RNF216: variants seen among roughly 807,000 people sequenced by gnomAD.
RNF216 encodes the protein E3 ubiquitin-protein ligase RNF216.
Under a neutral mutation model 110.8 loss-of-function variants are expected in RNF216, and 72 were observed. The observed-to-expected ratio is 0.65, with a 90% CI of 0.54 to 0.79. The LOEUF is 0.79. RNF216 is among the 30% of genes least tolerant of loss of function. The pLI is 0.00. For missense variants in RNF216, 1,342 were observed against 1,141.2 expected, an observed-to-expected ratio of 1.18 and a Z score of -2.54; for synonymous variants, 495 against 407.5, an observed-to-expected ratio of 1.21 and a Z score of -2.59.
chr7:5,769,052 CAA>C (rs1489880092), intron 1 of RNF216, among the ~76,000 whole-genome samples: 1 of 150,038 alleles, frequency 6.7e-6, no homozygotes, highest in Admixed American at 6.6e-5. Flanking sequence ...ATAATGAAAA[CAA>C]AATATATCAA....
At chr7:5,740,104 CTTTTTTTTTTTTTTTTTTTTTTTTT>C (rs71004698) in intron 4 of RNF216, among the ~76,000 whole-genome samples, 192 of 118,474 alleles carry the variant, frequency 1.6e-3, no homozygotes, top group Middle Eastern at 4.4e-3. Flanking sequence ...GATGTAACAC[CTTTTTTTTTTTTTTTTTTTTTTTTT>C]TTTTTTTTTT....
intron 7 of RNF216, among the ~76,000 whole-genome samples, chr7:5,725,905 A>G (rs937751127): frequency 1.3e-5 from 2 of 151,440 alleles, no homozygotes; most frequent in Non-Finnish European, 2.9e-5. Flanking sequence ...CTTTATTTTC[A>G]TTTTCTCTGA....
At chr7:5,728,363 T>C (rs1793885199) in intron 7 of RNF216, among the ~76,000 whole-genome samples, 1 of 152,066 alleles carries the variant, frequency 6.6e-6, no homozygotes, top group African/African-American at 2.4e-5. Context: ...GCAGATCATC[T>C]GAGGTCAGGA....
At chr7:5,659,656 C>T (rs924634784) in intron 13 of RNF216, among the ~76,000 whole-genome samples, 1 of 152,200 alleles carries the variant, frequency 6.6e-6, no homozygotes, top group Non-Finnish European at 1.5e-5. Context: ...CCTTGCAGCA[C>T]CCCCTTTCTA....
intron 3 of RNF216, among the ~76,000 whole-genome samples, chr7:5,749,600 T>G (rs1795228827): frequency 6.6e-6 from 1 of 152,230 alleles, no homozygotes; most frequent in African/African-American, 2.4e-5. Context: ...CATCAGGTTT[T>G]TAACCACAGC....
intron 2 of RNF216, among the ~76,000 whole-genome samples, chr7:5,758,475 T>C (rs1201754286): frequency 2.0e-5 from 3 of 152,204 alleles, no homozygotes; most frequent in African/African-American, 7.2e-5. Flanking sequence ...ATTTCAACAG[T>C]GTGGGTCCCC....
In RNF216 at chr7:5,693,119, G is replaced by A. The variant is rs146971908; in HGVS notation, c.2061+18642C>T. Among the ~76,000 whole-genome samples, 776 of 152,298 alleles carry A rather than the reference G, an allele frequency of 5.1e-3. 8 individuals are homozygous for A. Among genetic ancestry groups the A allele is most frequent in the African/African-American group, 0.015 (611 of 41,554 alleles). ...TTTTAAACGCTATGGTATATGCTAC[G>A]GGTTGGCAAACTACAGCTCACTGGC... On this transcript the variant is annotated intron_variant, in intron 13 of 16. Transcript: ENST00000389902.
At chr7:5,770,043 A>AG (rs1246933385) in intron 1 of RNF216, among the ~76,000 whole-genome samples, 1 of 149,268 alleles carries the variant, frequency 6.7e-6, no homozygotes, top group East Asian at 2.0e-4. Context: ...AAAAAAAAAA[A>AG]AAAAAAAAAA....
chr7:5,627,345 A>C (rs1390156609), intron 15 of RNF216, among the ~76,000 whole-genome samples: 1 of 152,200 alleles, frequency 6.6e-6, no homozygotes, highest in Non-Finnish European at 1.5e-5. Flanking sequence ...CACAGTGAGG[A>C]GTGTGGCAGC....
chr7:5,738,131 A>C (rs1794539995), intron 5 of RNF216, among the ~76,000 whole-genome samples: 1 of 148,954 alleles, frequency 6.7e-6, no homozygotes, highest in African/African-American at 2.5e-5. Context: ...CAATTATTTC[A>C]CCTCTGCAGA....
intron 1 of RNF216, chr7:5,775,217 G>C (rs144201399): frequency 7.9e-5 from 12 of 152,248 alleles, no homozygotes; most frequent in Admixed American, 5.9e-4. Context: ...CAGTTATCAA[G>C]TATTGCCCAT....
chr7:5,763,322 T>C (rs998473428), intron 1 of RNF216, among the ~76,000 whole-genome samples: 4 of 152,146 alleles, frequency 2.6e-5, no homozygotes, highest in Admixed American at 2.6e-4. Flanking sequence ...TTTATTTTAA[T>C]TATATATCAA....
At chr7:5,652,787 C>A (rs570323453) in intron 13 of RNF216, among the ~76,000 whole-genome samples, 3 of 151,522 alleles carry the variant, frequency 2.0e-5, no homozygotes, top group African/African-American at 7.3e-5. Flanking sequence ...GAGACCCTGT[C>A]CCTTAAAAAA....
At chr7:5,770,024 CAAAA>C (rs1163710982) in intron 1 of RNF216, among the ~76,000 whole-genome samples, 3 of 24,138 alleles carry the variant, frequency 1.2e-4, no homozygotes, top group African/African-American at 3.7e-4. Flanking sequence ...AGACCCATCT[CAAAA>C]AAAAAAAAAA....
chr7:5,691,080 G>A (rs903392548), intron 13 of RNF216, among the ~76,000 whole-genome samples: 67 of 152,186 alleles, frequency 4.4e-4, no homozygotes, highest in African/African-American at 1.4e-3. Flanking sequence ...CTGTTCTCAC[G>A]GGTTGATCTG....
intron 7 of RNF216, among the ~76,000 whole-genome samples, chr7:5,727,553 C>T (rs1188406811): frequency 2.0e-5 from 3 of 151,970 alleles, no homozygotes; most frequent in Non-Finnish European, 4.4e-5. Flanking sequence ...CTAGCAAGAC[C>T]CCATTTCTAC....
chr7:5,737,898 A>G (rs1009579686), intron 5 of RNF216, among the ~76,000 whole-genome samples: 13 of 152,060 alleles, frequency 8.5e-5, no homozygotes, highest in African/African-American at 2.9e-4. Context: ...GACCAGCCTG[A>G]CCAACATGAT....
At chr7:5,761,951 C>T (rs1469848146) in intron 1 of RNF216, among the ~76,000 whole-genome samples, 1 of 152,188 alleles carries the variant, frequency 6.6e-6, no homozygotes, top group African/African-American at 2.4e-5. Flanking sequence ...TGTACATTCC[C>T]TGTGACTTAG....
chr7:5,760,614 A>C (rs1795884501), intron 2 of RNF216: 1 of 297,724 alleles, frequency 3.4e-6, no homozygotes, highest in Non-Finnish European at 6.6e-6. Flanking sequence ...GGCAAAAAAG[A>C]AATTAAGCAT....
Sources: allele counts gnomAD v4.1 joint callset (sites outside exome capture counted in the v4.1 genomes callset), GRCh38; gene constraint gnomAD v4.1.1; transcripts MANE v1.5; gene names NCBI Gene and HGNC (gene_info 2026-07-23, HGNC 2026-07-21).